The following MBOAT1 variants were observed in gnomAD, a reference collection of about 807,000 sequenced individuals.
The protein encoded by MBOAT1 is membrane-bound glycerophospholipid O-acyltransferase 1.
MBOAT1 carries 67 observed loss-of-function variants against 64.4 expected under a neutral mutation model. That is an observed-to-expected ratio of 1.04 (90% CI 0.85 to 1.27). The LOEUF (loss-of-function observed/expected upper bound fraction) is 1.27, where lower values mean the gene tolerates loss of function less well. Among genes scored for constraint, MBOAT1 ranks in the 50% most tolerant of loss-of-function variants. The probability of loss-of-function intolerance (pLI) is 0.00; values close to 1 mark genes in which losing one functional copy is unlikely to be tolerated. For missense variants in MBOAT1, 563 were observed against 604.6 expected (o/e 0.93, Z 0.72); for synonymous variants, 229 against 218.9 (o/e 1.05, Z -0.41).
chr6:20,102,269 C>T lies in MBOAT1; in HGVS notation c.*17G>A, dbSNP rs763631114. The T allele has an allele frequency of 2.3e-5, 37 of 1,609,698 alleles. No individual in the cohort carries two copies. Among genetic ancestry groups the T allele is most frequent in the Admixed American group, 8.4e-5 (5 of 59,382 alleles). On this transcript the variant is annotated 3_prime_UTR_variant, in exon 13 of 13. Transcript: ENST00000324607. ...GAACGTTCTGCAGTTTTGCTTGTTC[C>T]GCTTCTCTTGGAGGTATCAATCTGT... is the stretch of plus-strand genomic sequence containing the variant.
In MBOAT1 at chr6:20,133,254, C is replaced by G. The variant is rs552211724; in HGVS notation, c.420-2055G>C. 7.9e-5 allele frequency among the ~76,000 whole-genome samples: 12 copies of G among 152,248 alleles called. No individual in the cohort carries two copies. In the South Asian group the frequency reaches 2.5e-3, roughly 32 times the overall value. ...ATCTGCTCCACCAGATCTGGTGAGG[C>G]AAGTGTAGCAAGATGTACTCACAGA... On this transcript the variant is annotated intron_variant, in intron 4 of 12. Transcript: ENST00000324607.
chr6:20,109,647 C>CAG lies in MBOAT1; in HGVS notation c.1311_1312insCT (p.Val438LeufsTer2). The stretch of plus-strand genomic sequence containing the variant: ...ACTGCCAACATCACAAAGGGTGCTA[C>CAG]CGTGTAAGAGACAGCCAGCTGAGTG... On this transcript the variant is annotated frameshift_variant, in exon 12 of 13. Transcript: ENST00000324607. LOFTEE classifies it high-confidence loss of function. 1 of 1,614,168 alleles carries CAG rather than the reference C, an allele frequency of 6.2e-7. No individual in the cohort carries two copies.
At chr6:20,103,427 G>T (rs910869054) in intron 12 of MBOAT1, among the ~76,000 whole-genome samples, 1 of 152,106 alleles carries the variant, frequency 6.6e-6, no homozygotes, top group Non-Finnish European at 1.5e-5. Context: ...TTTTTTGTTT[G>T]TTTGTTTGTT....
At chr6:20,143,072 C>G (rs932610337) in intron 4 of MBOAT1, among the ~76,000 whole-genome samples, 3 of 152,210 alleles carry the variant, frequency 2.0e-5, no homozygotes, top group Non-Finnish European at 4.4e-5. Context: ...TAGTTGCCAA[C>G]AACTCACTGA....
intron 1 of MBOAT1, among the ~76,000 whole-genome samples, chr6:20,154,556 G>A (rs1418700603): frequency 1.3e-5 from 2 of 151,932 alleles, no homozygotes; most frequent in Non-Finnish European, 2.9e-5. Context: ...AATAAAATAA[G>A]ATAAAAAATA....
chr6:20,109,686 C>T lies in MBOAT1; in HGVS notation c.1273G>A (p.Gly425Ser). The change falls in exon 12 of 13, where the codon GGC (glycine) becomes AGC (serine). Residue 425 changes from glycine (G) to serine (S), a missense_variant. Coordinates refer to ENST00000324607, the MANE Select transcript of MBOAT1 (RefSeq NM_001080480.3). The stretch of plus-strand genomic sequence containing the variant: ...GCCAGCTGAGTGACGGCCCAGGTGC[C>T]TGCATCATACACAGCCTTGAGAGCT... ...SRALKAVYDA[G>S]TWAVTQLAVS... The T allele has an allele frequency of 6.2e-7, 1 of 1,614,180 alleles. No homozygotes were observed. Among genetic ancestry groups the T allele is most frequent in the Non-Finnish European group, 8.5e-7 (1 of 1,180,024 alleles).
At chr6:20,182,538 C>A (rs1762539904) in intron 1 of MBOAT1, among the ~76,000 whole-genome samples, 1 of 152,140 alleles carries the variant, frequency 6.6e-6, no homozygotes, top group Non-Finnish European at 1.5e-5. Flanking sequence ...TCTATTCTCT[C>A]CCTCAGTCTG....
chr6:20,175,436 GTTTT>G (rs1349586970), intron 1 of MBOAT1, among the ~76,000 whole-genome samples: 6 of 151,010 alleles, frequency 4.0e-5, no homozygotes, highest in Admixed American at 2.0e-4. Context: ...TCCTTTAATT[GTTTT>G]ATTTATTTAT....
chr6:20,108,084 G>A (rs1212521347), intron 12 of MBOAT1, among the ~76,000 whole-genome samples: 1 of 152,208 alleles, frequency 6.6e-6, no homozygotes, highest in African/African-American at 2.4e-5. Context: ...TCTCTGAGGA[G>A]GGAGCCCCAG....
intron 12 of MBOAT1, among the ~76,000 whole-genome samples, chr6:20,103,993 G>T (rs1759879252): frequency 6.6e-6 from 1 of 152,124 alleles, no homozygotes; most frequent in African/African-American, 2.4e-5. Flanking sequence ...TCCATTCATG[G>T]TAATACAGGT....
chr6:20,125,850 C>A (rs1415261382), intron 7 of MBOAT1: 3 of 430,636 alleles, frequency 7.0e-6, no homozygotes, highest in Non-Finnish European at 1.4e-5. Context: ...CTTGAATTAT[C>A]CTCATTTCCT....
chr6:20,207,822 C>T (rs1213318722), intron 1 of MBOAT1, among the ~76,000 whole-genome samples: 2 of 152,224 alleles, frequency 1.3e-5, no homozygotes, highest in Admixed American at 6.5e-5. Context: ...CTCTGTTCCA[C>T]GACGGCACCA....
chr6:20,109,814 G>GTGCATACTATC, intron 11 of MBOAT1, 65 bp from the exon 12 acceptor site: 1 of 1,513,620 alleles, frequency 6.6e-7, no homozygotes, highest in Non-Finnish European at 9.0e-7. Flanking sequence ...CTTTTACTCT[G>GTGCATACTATC]TGCATGCAGA....
Position 20,152,688 on chromosome 6 carries a change from A to G in MBOAT1, c.181T>C (p.Ser61Pro). Residue 61 changes from serine to proline, a missense_variant, in exon 2 of 13, where the codon TCT (serine) becomes CCT (proline). Ser to Pro is a moderately conservative substitution (Grantham distance 74). Coordinates refer to ENST00000324607, the MANE Select transcript of MBOAT1 (RefSeq NM_001080480.3). ...RIYLRPGTTS[S>P]DVRHAVATIF... Reference sequence around the variant, plus strand: ...GTGGCAACCGCATGCCGGACATCAGAGCTGGTTGTACCAGGACGTAAGTAG... The same window carrying G: ...GTGGCAACCGCATGCCGGACATCAGGGCTGGTTGTACCAGGACGTAAGTAG... 6.2e-7 allele frequency: 1 copy of G among 1,612,302 alleles called. No homozygotes were observed. The highest frequency in any genetic ancestry group is 8.5e-7 in the Non-Finnish European group (1 of 1,178,796).
intron 1 of MBOAT1, among the ~76,000 whole-genome samples, chr6:20,155,689 C>T (rs1761655851): frequency 6.6e-6 from 1 of 152,072 alleles, no homozygotes; most frequent in South Asian, 2.1e-4. Context: ...TAGTTATAGC[C>T]CAGAAAAACA....
chr6:20,154,960 C>T (rs1319520521), intron 1 of MBOAT1, among the ~76,000 whole-genome samples: 1 of 152,212 alleles, frequency 6.6e-6, no homozygotes, highest in African/African-American at 2.4e-5. Flanking sequence ...CATCCAATGG[C>T]AACTGGAAAG....
Position 20,194,914 on chromosome 6 carries a change from C to A in MBOAT1, c.99+17222G>T, listed in dbSNP as rs1298575210. ...GTTTATTTTATACTTTGAGTAATAA[C>A]CCAAAATTTCTATAACCTATAGATT... On this transcript the variant is annotated intron_variant, in intron 1 of 12. Transcript: ENST00000324607. 2.0e-5 allele frequency among the ~76,000 whole-genome samples: 3 copies of A among 151,892 alleles called. No homozygotes were observed. In the South Asian group the frequency reaches 6.2e-4, roughly 32 times the overall value.
chr6:20,152,770 C>A lies in MBOAT1; in HGVS notation c.100-1G>T. On this transcript the variant is annotated splice_acceptor_variant, in intron 1 of 12. Coordinates refer to ENST00000324607, the MANE Select transcript of MBOAT1 (RefSeq NM_001080480.3). LOFTEE classifies it high-confidence loss of function. ...CAAGCTGGCATACCACAAAATTCAC[C>A]TGTGGCAGGGGAAGAGAAAATAAAA... 6.2e-7 allele frequency: 1 copy of A among 1,602,868 alleles called. No homozygotes were observed. Among genetic ancestry groups the A allele is most frequent in the South Asian group, 1.1e-5 (1 of 88,672 alleles).
At chr6:20,174,603 T>C (rs1321744463) in intron 1 of MBOAT1, among the ~76,000 whole-genome samples, 1 of 152,222 alleles carries the variant, frequency 6.6e-6, no homozygotes, top group Non-Finnish European at 1.5e-5. Context: ...TACACTTTTA[T>C]ACAACTGGCA....
Sources: allele counts gnomAD v4.1 joint callset (sites outside exome capture counted in the v4.1 genomes callset), GRCh38; gene constraint gnomAD v4.1.1; transcripts MANE v1.5; gene names NCBI Gene and HGNC (gene_info 2026-07-23, HGNC 2026-07-21).